Variants in PAMR1 observed in about 807,000 individuals in gnomAD.
PAMR1 encodes the protein peptidase domain containing associated with muscle regeneration 1.
Under a neutral mutation model 81.8 loss-of-function variants are expected in PAMR1, and 88 were observed. The ratio of observed to expected loss-of-function variants is 1.08; its 90% confidence interval spans 0.91 to 1.28. The LOEUF is 1.28. Ranked by LOEUF, PAMR1 falls within the 50% of genes most tolerant of loss-of-function variation. The pLI is 0.00. For missense variants in PAMR1, 935 were observed against 919.7 expected, an observed-to-expected ratio of 1.02 and a Z score of -0.21; for synonymous variants, 336 against 345.3, an observed-to-expected ratio of 0.97 and a Z score of 0.30.
chr11:35,438,473 C>G (rs778670989), intron 8 of PAMR1, among the ~76,000 whole-genome samples: 1 of 152,146 alleles, frequency 6.6e-6, no homozygotes, highest in Non-Finnish European at 1.5e-5. Flanking sequence ...AAAGAAAAAA[C>G]TAAGGCTCAG....
intron 3 of PAMR1, among the ~76,000 whole-genome samples, chr11:35,486,697 A>G (rs652845): frequency 0.8 from 121,824 of 152,196 alleles, 48,916 homozygotes; most frequent in Admixed American, 0.81. Flanking sequence ...TTAAAAAGAC[A>G]CATGCTCAGG....
At chr11:35,509,499 T>C (rs1851035092) in intron 1 of PAMR1, among the ~76,000 whole-genome samples, 1 of 152,232 alleles carries the variant, frequency 6.6e-6, no homozygotes, top group South Asian at 2.1e-4. Flanking sequence ...TATTGAATGT[T>C]TTCCTGTATG....
In PAMR1 at chr11:35,432,397, C is replaced by T; in HGVS notation, c.2122G>A (p.Val708Met). The T allele has an allele frequency of 6.2e-7, 1 of 1,613,834 alleles. No homozygotes were observed. Residue 708 changes from valine (V) to methionine (M), a missense_variant, in exon 11 of 11, where the codon GTG becomes ATG. Coordinates refer to ENST00000619888, the MANE Select transcript of PAMR1 (RefSeq NM_001001991.3). Reference sequence around the variant, plus strand: ...TCAATCCAGTCTTTAAAAGGCAGCACCTTGGTGAAGGCAGTGGAGAGCCTG... The same window carrying T: ...TCAATCCAGTCTTTAAAAGGCAGCATCTTGGTGAAGGCAGTGGAGAGCCTG... The part of the protein sequence containing the change: ...SHRLSTAFTK[V>M]LPFKDWIERN...
Position 35,488,669 on chromosome 11 carries a change from CTTTTTTTTTTTT to C in PAMR1, c.379+3364_379+3375del, listed in dbSNP as rs34053329. On this transcript the variant is annotated intron_variant, in intron 3 of 10. Transcript: ENST00000619888. ...CCATTTTTCACACTTCAAATCTTGCCTTTTTTTTTTTTTTTTTTTTTTTGGAAACTGTCTCAC... is the reference window on the plus strand; with the variant it reads ...CCATTTTTCACACTTCAAATCTTGCCTTTTTTTTTTTGGAAACTGTCTCAC... Among the ~76,000 whole-genome samples, 108 of 42,940 alleles carry C rather than the reference CTTTTTTTTTTTT, an allele frequency of 2.5e-3. 1 individual carries two copies. Among genetic ancestry groups the C allele is most frequent in the Non-Finnish European group, 3.7e-3 (88 of 23,856 alleles). 28.2% of individuals were successfully genotyped at this position (42,940 alleles called of 152,430 possible).
intron 1 of PAMR1, among the ~76,000 whole-genome samples, chr11:35,524,609 C>T (rs1435722541): frequency 1.3e-5 from 2 of 152,320 alleles, no homozygotes; most frequent in East Asian, 3.9e-4. Context: ...CTATTCAGAG[C>T]TGCCCCGTTT....
rs190714031 is a variant in PAMR1 at position 35,458,927 on chromosome 11, A to C, written c.820+9074T>G. ...AAACCAAATATTTTTTACTCCCAGG[A>C]AGGTCTTCACCAACCAGGAATAATG... On this transcript the variant is annotated intron_variant, in intron 6 of 10. Transcript: ENST00000619888. Among the ~76,000 whole-genome samples the C allele has an allele frequency of 8.7e-3, 1,319 of 152,294 alleles. 10 individuals are homozygous for C. The highest frequency in any genetic ancestry group is 0.01 in the Non-Finnish European group (702 of 68,010).
At chr11:35,466,343 G>A (rs1260146552) in intron 6 of PAMR1, among the ~76,000 whole-genome samples, 1 of 152,086 alleles carries the variant, frequency 6.6e-6, no homozygotes, top group Non-Finnish European at 1.5e-5. Context: ...TGCCAAACCA[G>A]GGCAAGGATG....
chr11:35,471,374 G>T (rs925980840), intron 4 of PAMR1, among the ~76,000 whole-genome samples: 1 of 152,150 alleles, frequency 6.6e-6, no homozygotes, highest in Admixed American at 6.5e-5. Flanking sequence ...AGTGTCCAGC[G>T]CAGTGCCTGG....
chr11:35,454,848 C>T (rs530646822), intron 6 of PAMR1, among the ~76,000 whole-genome samples: 1 of 152,272 alleles, frequency 6.6e-6, no homozygotes, highest in South Asian at 2.1e-4. Context: ...GGGCTCCAGG[C>T]CAGCCCCACA....
intron 1 of PAMR1, among the ~76,000 whole-genome samples, chr11:35,505,838 G>T (rs993405651): frequency 1.3e-5 from 2 of 152,028 alleles, no homozygotes; most frequent in African/African-American, 2.4e-5. Context: ...GGAGAATTGA[G>T]CTCATGTAAA....
chr11:35,490,650 A>C (rs1034542968), intron 3 of PAMR1, among the ~76,000 whole-genome samples: 12 of 152,222 alleles, frequency 7.9e-5, no homozygotes, highest in South Asian at 2.1e-4. Flanking sequence ...GAAAGGAAGA[A>C]GAGTAGTTTT....
chr11:35,436,656 T>TCACA (rs34951313), intron 8 of PAMR1, among the ~76,000 whole-genome samples: 8,152 of 144,858 alleles, frequency 0.056, 226 homozygotes, highest in Middle Eastern at 0.1. Context: ...TCTCTCTCTG[T>TCACA]CACACACACA....
At position 35,432,133 on chromosome 11, in the gene PAMR1, G is replaced by A; in HGVS notation, c.*223C>T. On this transcript the variant is annotated 3_prime_UTR_variant, in exon 11 of 11. Coordinates refer to ENST00000619888, the MANE Select transcript of PAMR1 (RefSeq NM_001001991.3). ...CTTTGAAGAAACTTACTTCTTGCAAGCCCTGGCATCTTCCAATTGGCTGTC... is the reference window on the plus strand; with the variant it reads ...CTTTGAAGAAACTTACTTCTTGCAAACCCTGGCATCTTCCAATTGGCTGTC... The A allele has an allele frequency of 1.8e-6, 1 of 564,322 alleles. No homozygotes were observed. The highest frequency in any genetic ancestry group is 3.1e-6 in the Non-Finnish European group (1 of 317,952). The allele number at this position is 564,322 out of a possible 1,614,324, so 35.0% of individuals were successfully genotyped here.
At chr11:35,497,181 A>C (rs950752856) in intron 1 of PAMR1, among the ~76,000 whole-genome samples, 1 of 152,172 alleles carries the variant, frequency 6.6e-6, no homozygotes, top group African/African-American at 2.4e-5. Context: ...TAATAGTAAT[A>C]ATAACAAATA....
At chr11:35,434,952 A>G (rs564362626) in intron 9 of PAMR1, 148 bp from the exon 10 acceptor site, 82 of 727,672 alleles carry the variant, frequency 1.1e-4, no homozygotes, top group Non-Finnish European at 1.6e-4. Flanking sequence ...TTTCTTCTGC[A>G]TTTAAATATT....
At chr11:35,452,001 C>T in intron 6 of PAMR1, 1 of 596,240 alleles carries the variant, frequency 1.7e-6, no homozygotes, top group Non-Finnish European at 3.0e-6. Context: ...TGTAGCAGCC[C>T]AAACTGACTA....
At chr11:35,463,348 C>T (rs1178822714) in intron 6 of PAMR1, among the ~76,000 whole-genome samples, 3 of 152,182 alleles carry the variant, frequency 2.0e-5, no homozygotes, top group Non-Finnish European at 4.4e-5. Context: ...CGTGTCAGAG[C>T]CCGCAGTGTG....
At chr11:35,466,536 G>A (rs1213505712) in intron 6 of PAMR1, among the ~76,000 whole-genome samples, 1 of 151,986 alleles carries the variant, frequency 6.6e-6, no homozygotes, top group African/African-American at 2.4e-5. Flanking sequence ...GACCATCCTG[G>A]CTAACACGGT....
intron 3 of PAMR1, among the ~76,000 whole-genome samples, chr11:35,482,172 T>C (rs1316528293): frequency 6.6e-6 from 1 of 152,226 alleles, no homozygotes; most frequent in Non-Finnish European, 1.5e-5. Context: ...GTTTTGGGCT[T>C]TATATTTAAG....
Sources: allele counts gnomAD v4.1 joint callset (sites outside exome capture counted in the v4.1 genomes callset), GRCh38; gene constraint gnomAD v4.1.1; transcripts MANE v1.5; gene names NCBI Gene and HGNC (gene_info 2026-07-23, HGNC 2026-07-21).